ME3: variants seen among roughly 807,000 people sequenced by gnomAD.
The protein encoded by ME3 is malic enzyme 3.
A neutral mutation model predicts 68.9 loss-of-function variants in ME3; 48 were observed. The observed-to-expected ratio is 0.70, with a 90% CI of 0.55 to 0.89. The LOEUF is 0.89. Ranked by LOEUF, ME3 falls within the 40% of genes least tolerant of loss-of-function variation. The probability of loss-of-function intolerance (pLI) is 0.00; values close to 1 mark genes in which losing one functional copy is unlikely to be tolerated. For missense variants in ME3, 675 were observed against 797.4 expected (o/e 0.85, Z 1.85); for synonymous variants, 320 against 318.8 (o/e 1.00, Z -0.04).
intron 2 of ME3, among the ~76,000 whole-genome samples, chr11:86,563,410 T>C (rs1263651362): frequency 6.6e-6 from 1 of 152,214 alleles, no homozygotes; most frequent in African/African-American, 2.4e-5. Flanking sequence ...AATTTGCATT[T>C]CTCTGATAAT....
At chr11:86,560,748 G>GTGTATATA (rs1243025217) in intron 2 of ME3, among the ~76,000 whole-genome samples, 3 of 62,530 alleles carry the variant, frequency 4.8e-5, no homozygotes, top group African/African-American at 1.8e-4. Context: ...GTGTGTGTGT[G>GTGTATATA]TATATATATA....
At chr11:86,644,500 C>G (rs1466389100) in intron 2 of ME3, among the ~76,000 whole-genome samples, 1 of 152,152 alleles carries the variant, frequency 6.6e-6, no homozygotes, top group Non-Finnish European at 1.5e-5. Context: ...TTTCCTTTTA[C>G]TCATCACACT....
At chr11:86,611,041 T>A (rs189588718) in intron 2 of ME3, among the ~76,000 whole-genome samples, 1 of 152,194 alleles carries the variant, frequency 6.6e-6, no homozygotes, top group Non-Finnish European at 1.5e-5. Context: ...CAACCTCATA[T>A]ATATGTGAAT....
At chr11:86,560,744 G>GTATATATATATATATATATATA (rs58764893) in intron 2 of ME3, among the ~76,000 whole-genome samples, 2 of 66,916 alleles carry the variant, frequency 3.0e-5, no homozygotes, top group African/African-American at 6.3e-5. Context: ...GTGTGTGTGT[G>GTATATATATATATATATATATA]TGTGTATATA....
intron 5 of ME3, among the ~76,000 whole-genome samples, chr11:86,500,048 G>A (rs997277003): frequency 1.3e-5 from 2 of 152,184 alleles, no homozygotes; most frequent in African/African-American, 4.8e-5. Flanking sequence ...TGTGATCTTG[G>A]CAAAGTCCTG....
At chr11:86,654,093 G>A (rs571625252) in intron 2 of ME3, among the ~76,000 whole-genome samples, 1 of 152,274 alleles carries the variant, frequency 6.6e-6, no homozygotes, top group African/African-American at 2.4e-5. Context: ...CTGAAATTGA[G>A]GCAATAATTA....
At chr11:86,634,609 G>T (rs1944217562) in intron 2 of ME3, among the ~76,000 whole-genome samples, 1 of 152,046 alleles carries the variant, frequency 6.6e-6, no homozygotes, top group Non-Finnish European at 1.5e-5. Context: ...CCATACCTGG[G>T]GTATTGTCTA....
At chr11:86,522,284 A>G (rs1259322049) in intron 4 of ME3, among the ~76,000 whole-genome samples, 1 of 151,926 alleles carries the variant, frequency 6.6e-6, no homozygotes, top group Non-Finnish European at 1.5e-5. Flanking sequence ...AAAAAACCAG[A>G]TTAAGAAAAA....
At chr11:86,658,709 G>A (rs1204432499) in intron 2 of ME3, among the ~76,000 whole-genome samples, 1 of 151,984 alleles carries the variant, frequency 6.6e-6, no homozygotes, top group African/African-American at 2.4e-5. Flanking sequence ...CCTCGCTCCT[G>A]GCACCACCTG....
chr11:86,522,960 G>C (rs984532912), intron 4 of ME3, among the ~76,000 whole-genome samples: 2 of 152,180 alleles, frequency 1.3e-5, no homozygotes, highest in South Asian at 4.2e-4. Flanking sequence ...TTTGGTATCC[G>C]GGGGGAAGGG....
chr11:86,497,136 A>AC (rs966505136), intron 6 of ME3, among the ~76,000 whole-genome samples: 33 of 152,030 alleles, frequency 2.2e-4, no homozygotes, highest in Admixed American at 1.9e-3. Flanking sequence ...GGTGTGTGCT[A>AC]CCACACCTAG....
chr11:86,459,455 G>T (rs1950115749), intron 8 of ME3, among the ~76,000 whole-genome samples: 1 of 152,176 alleles, frequency 6.6e-6, no homozygotes, highest in Middle Eastern at 3.2e-3. Flanking sequence ...ACTGAGTACT[G>T]CTACATGCCT....
At chr11:86,481,794 A>G (rs1378451116) in intron 7 of ME3, among the ~76,000 whole-genome samples, 1 of 152,198 alleles carries the variant, frequency 6.6e-6, no homozygotes, top group African/African-American at 2.4e-5. Flanking sequence ...ATGAGTGCTC[A>G]CAGAGTCACA....
At chr11:86,584,688 G>T (rs1958632175) in intron 2 of ME3, among the ~76,000 whole-genome samples, 1 of 152,218 alleles carries the variant, frequency 6.6e-6, no homozygotes, top group African/African-American at 2.4e-5. Context: ...CAATGAGCCA[G>T]TCACAGAAGG....
intron 8 of ME3, among the ~76,000 whole-genome samples, chr11:86,458,051 G>C (rs1196521140): frequency 1.3e-5 from 2 of 152,162 alleles, no homozygotes; most frequent in Non-Finnish European, 2.9e-5. Context: ...GTCTGGCCAC[G>C]GTGGCTTTGG....
rs1481255735 is a variant in ME3, at chr11:86,463,957, A to T, written c.919+1134T>A. 2.2e-5 allele frequency: 5 copies of T among 224,258 alleles called. No homozygotes were observed. In the Admixed American group the frequency reaches 2.8e-4, roughly 12 times the overall value. The allele number at this position is 224,258 out of a possible 1,614,324, so 13.9% of individuals were successfully genotyped here. A position where few individuals can be genotyped will look rare whatever the true frequency, so the allele number is the denominator to read the frequency against. On this transcript the variant is annotated intron_variant, in intron 8 of 14. Transcript: ENST00000543262. ...TTTCATTCATAAGACAGAGATGCTAATGTCTCATCGGTTTAAAACTGTAGA... is the reference window on the plus strand; with the variant it reads ...TTTCATTCATAAGACAGAGATGCTATTGTCTCATCGGTTTAAAACTGTAGA...
At chr11:86,454,835 G>T (rs372568622) in intron 8 of ME3, among the ~76,000 whole-genome samples, 2 of 152,236 alleles carry the variant, frequency 1.3e-5, no homozygotes. Context: ...CAGGGTGGGA[G>T]TATGAGTGAA....
intron 4 of ME3, among the ~76,000 whole-genome samples, chr11:86,531,164 C>A (rs1388658748): frequency 6.6e-6 from 1 of 152,156 alleles, no homozygotes; most frequent in African/African-American, 2.4e-5. Context: ...AAAAAACAAA[C>A]AACCCCATCA....
chr11:86,556,455 G>T, intron 4 of ME3, 98 bp downstream of exon 4: 2 of 1,410,354 alleles, frequency 1.4e-6, no homozygotes, highest in Non-Finnish European at 1.9e-6. Context: ...CCCAATCAGA[G>T]TTAGCCTCCA....
Sources: gnomAD v4.1 joint callset for allele counts (sites outside exome capture counted in the v4.1 genomes callset) on GRCh38, gnomAD v4.1.1 for gene constraint, MANE v1.5 for transcripts, NCBI Gene and HGNC (gene_info 2026-07-23, HGNC 2026-07-21) for gene names.